Variants in JAKMIP2 observed in about 807,000 individuals in gnomAD.
JAKMIP2 encodes the protein janus kinase and microtubule-interacting protein 2.
A neutral mutation model predicts 115.0 loss-of-function variants in JAKMIP2; 25 were observed. That is an observed-to-expected ratio of 0.22 (90% confidence interval 0.16 to 0.30). The LOEUF is 0.30. Ranked by LOEUF, JAKMIP2 falls within the 10% of genes least tolerant of loss-of-function variation. JAKMIP2 has a pLI of 1.00. For missense variants in JAKMIP2, 642 were observed against 957.6 expected (o/e 0.67, Z 4.35); for synonymous variants, 334 against 343.6 (o/e 0.97, Z 0.31).
At chr5:147,637,632 G>A (rs1393905622) in intron 10 of JAKMIP2, among the ~76,000 whole-genome samples, 1 of 151,808 alleles carries the variant, frequency 6.6e-6, no homozygotes, top group African/African-American at 2.4e-5. Flanking sequence ...TAGAGATGGG[G>A]TTTCACCGTG....
chr5:147,618,477 C>G (rs1334184017), intron 18 of JAKMIP2, among the ~76,000 whole-genome samples: 3 of 152,132 alleles, frequency 2.0e-5, no homozygotes, highest in Non-Finnish European at 2.9e-5. Context: ...TGGCTCACAC[C>G]TGTAATCCCA....
intron 13 of JAKMIP2, among the ~76,000 whole-genome samples, chr5:147,632,314 T>G (rs1701189734): frequency 6.6e-6 from 1 of 152,116 alleles, no homozygotes; most frequent in South Asian, 2.1e-4. Flanking sequence ...TTTTAATGAG[T>G]CAAAATTTAA....
At chr5:147,677,709 T>C (rs1184995690) in intron 1 of JAKMIP2, among the ~76,000 whole-genome samples, 3 of 152,220 alleles carry the variant, frequency 2.0e-5, no homozygotes, top group Admixed American at 2.0e-4. Flanking sequence ...TCTTTTTTAA[T>C]TGACAAAAAG....
At chr5:147,753,656 A>G (rs773720950) in intron 1 of JAKMIP2, among the ~76,000 whole-genome samples, 20 of 152,196 alleles carry the variant, frequency 1.3e-4, no homozygotes, top group Non-Finnish European at 2.8e-4. Flanking sequence ...ATTGTTCTAG[A>G]TCAGGCATTA....
intron 1 of JAKMIP2, among the ~76,000 whole-genome samples, chr5:147,691,052 G>A (rs748136864): frequency 8.5e-5 from 13 of 152,104 alleles, no homozygotes; most frequent in South Asian, 4.1e-4. Flanking sequence ...TTAATGTGAC[G>A]GACTACTCCA....
intron 16 of JAKMIP2, among the ~76,000 whole-genome samples, chr5:147,625,299 G>T (rs1316412001): frequency 6.6e-6 from 1 of 152,032 alleles, no homozygotes; most frequent in Non-Finnish European, 1.5e-5. Flanking sequence ...TTCTTTCTAG[G>T]TTACCTGTGA....
intron 11 of JAKMIP2, 94 bp downstream of exon 11, chr5:147,636,871 C>T: frequency 1.2e-6 from 1 of 818,812 alleles, no homozygotes. Context: ...GAGAGCCAAG[C>T]TGTGTCCTGG....
intron 1 of JAKMIP2, among the ~76,000 whole-genome samples, chr5:147,721,924 G>GT (rs1753326102): frequency 6.6e-6 from 1 of 152,124 alleles, no homozygotes; most frequent in Non-Finnish European, 1.5e-5. Flanking sequence ...GGAAATATGG[G>GT]TATCACCTTC....
In JAKMIP2 at chr5:147,731,449, T is replaced by G. The variant is rs74692256; in HGVS notation, c.-149+51007A>C. ...ACTCTTACTTCTGAAGCCTTGGGAA[T>G]AAATGAGGACTGTTTGGAAGGATTC... On this transcript the variant is annotated intron_variant, in intron 1 of 21. Transcript: ENST00000616793. Among the ~76,000 whole-genome samples the G allele has an allele frequency of 5.9e-3, 901 of 152,318 alleles. 2 individuals carry two copies. The highest frequency in any genetic ancestry group is 0.014 in the Middle Eastern group (4 of 294).
At position 147,702,668 on chromosome 5, in the gene JAKMIP2, GAGAA is replaced by G. The variant is rs1275658466; in HGVS notation, c.-148-30718_-148-30715del. 9.6e-3 allele frequency among the ~76,000 whole-genome samples: 981 copies of G among 102,048 alleles called. 27 individuals are homozygous for G. In the East Asian group the frequency reaches 0.1, roughly 10 times the overall value. 66.9% of individuals were successfully genotyped at this position (102,048 alleles called of 152,430 possible). A position where few individuals can be genotyped will look rare whatever the true frequency, so the allele number is the denominator to read the frequency against. ...AGAAAGAAAGAAAGAAAGAAAGAGA[GAGAA>G]AGAAAGAGAAAGAAAGAAAAGAAAA... On this transcript the variant is annotated intron_variant, in intron 1 of 21. Transcript: ENST00000616793.
intron 12 of JAKMIP2, 91 bp from the exon 13 acceptor site, chr5:147,632,869 T>C: frequency 1.3e-6 from 1 of 761,802 alleles, no homozygotes. Flanking sequence ...ACTCAGTGAA[T>C]AAGTCTTCCA....
At chr5:147,698,044 G>T (rs189805682) in intron 1 of JAKMIP2, among the ~76,000 whole-genome samples, 286 of 152,272 alleles carry the variant, frequency 1.9e-3, no homozygotes, top group African/African-American at 6.4e-3. Flanking sequence ...CAGCTGGGAG[G>T]GGGGCTGTAT....
At position 147,749,686 on chromosome 5, in the gene JAKMIP2, C is replaced by T. The variant is rs55770233; in HGVS notation, c.-149+32770G>A. On this transcript the variant is annotated intron_variant, in intron 1 of 21. Coordinates refer to ENST00000616793, the MANE Select transcript of JAKMIP2 (RefSeq NM_001270941.2). ...TGCCTAATAAATGTTGGACTGAATT[C>T]AATGTCACATTGGAAGTTGGATTAT... Among the ~76,000 whole-genome samples, 1,163 of 152,262 alleles carry T rather than the reference C, an allele frequency of 7.6e-3. 18 individuals are homozygous for T. The highest frequency in any genetic ancestry group is 0.027 in the African/African-American group (1,121 of 41,540).
intron 20 of JAKMIP2, among the ~76,000 whole-genome samples, chr5:147,611,541 T>C (rs1351492068): frequency 6.6e-6 from 1 of 152,190 alleles, no homozygotes; most frequent in African/African-American, 2.4e-5. Context: ...CCCAATGAGA[T>C]GAACCAGGTA....
intron 1 of JAKMIP2, among the ~76,000 whole-genome samples, chr5:147,678,152 C>T (rs930704943): frequency 1.3e-5 from 2 of 152,048 alleles, no homozygotes; most frequent in African/African-American, 4.8e-5. Context: ...TACAGGCATG[C>T]GCCACCACTC....
At chr5:147,730,206 GT>G (rs1360546943) in intron 1 of JAKMIP2, among the ~76,000 whole-genome samples, 1 of 152,148 alleles carries the variant, frequency 6.6e-6, no homozygotes, top group Non-Finnish European at 1.5e-5. Flanking sequence ...CAGTTAGAAG[GT>G]TGATAAAGAA....
At chr5:147,746,405 G>A (rs1754347667) in intron 1 of JAKMIP2, among the ~76,000 whole-genome samples, 1 of 152,004 alleles carries the variant, frequency 6.6e-6, no homozygotes, top group Admixed American at 6.6e-5. Flanking sequence ...ATTTTCTGTG[G>A]CCAATTGCCC....
intron 3 of JAKMIP2, among the ~76,000 whole-genome samples, chr5:147,660,277 A>G (rs1758890593): frequency 6.6e-6 from 1 of 152,190 alleles, no homozygotes; most frequent in Non-Finnish European, 1.5e-5. Context: ...GGAAAGACCA[A>G]CTCTGTAGGG....
At chr5:147,602,764 A>G (rs1755772777) in intron 20 of JAKMIP2, among the ~76,000 whole-genome samples, 1 of 152,192 alleles carries the variant, frequency 6.6e-6, no homozygotes, top group South Asian at 2.1e-4. Context: ...ATCACACTCC[A>G]GGAACATACC....
Sources: gnomAD v4.1 joint callset for allele counts (sites outside exome capture counted in the v4.1 genomes callset) on GRCh38, gnomAD v4.1.1 for gene constraint, MANE v1.5 for transcripts, NCBI Gene and HGNC (gene_info 2026-07-23, HGNC 2026-07-21) for gene names.